Variants in ABRAXAS1 observed in about 807,000 individuals in gnomAD.
ABRAXAS1 encodes abraxas 1, BRCA1 A complex subunit, also known as BRCA1-A complex subunit Abraxas 1.
Under a neutral mutation model 38.4 loss-of-function variants are expected in ABRAXAS1, and 26 were observed. The observed-to-expected ratio is 0.68, with a 90% CI of 0.50 to 0.94. The LOEUF (loss-of-function observed/expected upper bound fraction) is 0.94, where lower values mean the gene tolerates loss of function less well. ABRAXAS1 is among the 40% of genes least tolerant of loss of function. The probability of loss-of-function intolerance (pLI) is 0.00; values close to 1 mark genes in which losing one functional copy is unlikely to be tolerated. For synonymous variants in ABRAXAS1, 144 were observed against 165.5 expected (o/e 0.87, Z 1.00); for missense variants, 438 against 481.9 (o/e 0.91, Z 0.85).
chr4:83,477,344 T>A (rs890809458), intron 2 of ABRAXAS1, among the ~76,000 whole-genome samples: 33 of 151,946 alleles, frequency 2.2e-4, no homozygotes, highest in African/African-American at 8.0e-4. Context: ...TTTTAATTTT[T>A]AAAAAATAAT....
At position 83,460,071 on chromosome 4, in the gene ABRAXAS1, A is replaced by G. The variant is rs569983267; in HGVS notation, c.*2398T>C. ...ATACTATAATCATTCCTAGATTGAT[A>G]CTTAAACTTGGTGTCAGCAAACTAT... On this transcript the variant is annotated 3_prime_UTR_variant, in exon 9 of 9. Transcript: ENST00000321945. The G allele has an allele frequency of 4.1e-6, 1 of 243,658 alleles. No homozygotes were observed. The highest frequency in any genetic ancestry group is 8.4e-5 in the East Asian group (1 of 11,868). 15.1% of individuals were successfully genotyped at this position (243,658 alleles called of 1,614,324 possible). A position where few individuals can be genotyped will look rare whatever the true frequency, so the allele number is the denominator to read the frequency against.
intron 5 of ABRAXAS1, chr4:83,469,425 T>C: frequency 3.3e-6 from 1 of 301,758 alleles, no homozygotes; most frequent in South Asian, 4.8e-5. Flanking sequence ...CAAGCAATCC[T>C]CTTGCCTCAG....
At chr4:83,484,675 T>C (rs1034063436) in intron 1 of ABRAXAS1, 3 of 278,326 alleles carry the variant, frequency 1.1e-5, no homozygotes, top group Non-Finnish European at 1.4e-5. Context: ...CTCCGTGAAC[T>C]TTCCATCTTT....
rs1060503251 is a variant in ABRAXAS1, at chr4:83,462,773, C to T, written c.926G>A (p.Ser309Asn). ...GAGATGGTGGTTGTAGTTACAGCTA[C>T]TTTTAGAAACATGTCTATTTTTTAA... Reference protein sequence around the residue: ...MSLKNRHVSKSSCNYNHHLDV... With the variant: ...MSLKNRHVSKNSCNYNHHLDV... The change falls in exon 9 of 9, where the codon AGT becomes AAT. Residue 309 changes from serine (S) to asparagine (N), a missense_variant. Coordinates refer to ENST00000321945, the MANE Select transcript of ABRAXAS1 (RefSeq NM_139076.3). 15 of 1,613,802 alleles carry T rather than the reference C, an allele frequency of 9.3e-6. No homozygotes were observed. Among genetic ancestry groups the T allele is most frequent in the Non-Finnish European group, 1.3e-5 (15 of 1,179,970 alleles).
intron 2 of ABRAXAS1, chr4:83,477,922 A>G: frequency 1.3e-6 from 1 of 792,174 alleles, no homozygotes; most frequent in Non-Finnish European, 2.2e-6. Context: ...TTTCCACTAT[A>G]GCCAATCCCA....
chr4:83,474,539 T>A (rs1245273157), intron 3 of ABRAXAS1, among the ~76,000 whole-genome samples: 3 of 151,712 alleles, frequency 2.0e-5, no homozygotes, highest in Non-Finnish European at 4.4e-5. Context: ...TGGTGAAACT[T>A]CATCTCTACT....
chr4:83,472,314 T>A, intron 3 of ABRAXAS1, 26 bp from the exon 4 acceptor site: 1 of 1,351,750 alleles, frequency 7.4e-7, no homozygotes, highest in Non-Finnish European at 1.0e-6. Context: ...TTAAAGGTAT[T>A]TCAAATACGC....
intron 5 of ABRAXAS1, 60 bp downstream of exon 5, chr4:83,470,143 C>G (rs1332518761): frequency 6.8e-6 from 9 of 1,323,482 alleles, no homozygotes; most frequent in Non-Finnish European, 8.3e-6. Context: ...GCAAAAAGTA[C>G]TAAGTATTAG....
chr4:83,468,584 C>T (rs377044396), intron 6 of ABRAXAS1, among the ~76,000 whole-genome samples: 20 of 152,250 alleles, frequency 1.3e-4, no homozygotes, highest in East Asian at 9.6e-4. Context: ...TCTAATTTCA[C>T]GCCTTTAATC....
chr4:83,459,926 T>G lies in ABRAXAS1; in HGVS notation c.*2543A>C. 1.5e-6 allele frequency: 1 copy of G among 681,618 alleles called. No individual in the cohort carries two copies. The highest frequency in any genetic ancestry group is 2.4e-6 in the Non-Finnish European group (1 of 417,388). The allele number at this position is 681,618 out of a possible 1,614,324, so 42.2% of individuals were successfully genotyped here. ...CTACTAGATCAGATACTACAGGGACTAGAGCTAGTTACTATGAAAAAGTCT... is the reference window on the plus strand; with the variant it reads ...CTACTAGATCAGATACTACAGGGACGAGAGCTAGTTACTATGAAAAAGTCT... On this transcript the variant is annotated 3_prime_UTR_variant, in exon 9 of 9. Coordinates refer to ENST00000321945, the MANE Select transcript of ABRAXAS1 (RefSeq NM_139076.3).
intron 3 of ABRAXAS1, among the ~76,000 whole-genome samples, chr4:83,476,208 A>G (rs140629364): frequency 0.011 from 1,642 of 152,278 alleles, 26 homozygotes; most frequent in African/African-American, 0.038. Context: ...TCTCAAAAAG[A>G]AAAAGAACAT....
chr4:83,460,832 G>A lies in ABRAXAS1; in HGVS notation c.*1637C>T. On this transcript the variant is annotated 3_prime_UTR_variant, in exon 9 of 9. Coordinates refer to ENST00000321945, the MANE Select transcript of ABRAXAS1 (RefSeq NM_139076.3). The stretch of plus-strand genomic sequence containing the variant: ...GAGGCAAGATAATCGATTGAGCCTG[G>A]GTGGCGGAGGTTGCAGTGAGGCGAG... 1 of 664,136 alleles carries A rather than the reference G, an allele frequency of 1.5e-6. No homozygotes were observed. Among genetic ancestry groups the A allele is most frequent in the Admixed American group, 2.9e-5 (1 of 34,124 alleles). The allele number at this position is 664,136 out of a possible 1,614,324, so 41.1% of individuals were successfully genotyped here.
intron 2 of ABRAXAS1, chr4:83,478,078 T>C: frequency 1.1e-6 from 1 of 910,644 alleles, no homozygotes; most frequent in Non-Finnish European, 1.8e-6. Flanking sequence ...CTGCCATCGT[T>C]GTGGGAGTAG....
At position 83,479,404 on chromosome 4, in the gene ABRAXAS1, A is replaced by C. The variant is rs913896455; in HGVS notation, c.179-2725T>G. 5 of 27,710 alleles carry C rather than the reference A, an allele frequency of 1.8e-4. No individual in the cohort carries two copies. The African/African-American group carries it at 2.1e-3, about 11-fold the overall frequency. The allele number at this position is 27,710 out of a possible 1,614,324, so 1.7% of individuals were successfully genotyped here. A position where few individuals can be genotyped will look rare whatever the true frequency, so the allele number is the denominator to read the frequency against. The stretch of plus-strand genomic sequence containing the variant: ...GGGTGACAGAGTGAGACTCTGTTTC[A>C]AAAAAAAAAAAAAAAAAAGAGTATG... On this transcript the variant is annotated intron_variant, in intron 2 of 8. Transcript: ENST00000321945.
chr4:83,484,972 G>T lies in ABRAXAS1; in HGVS notation c.87+14C>A, dbSNP rs1302059136. 2 of 1,566,928 alleles carry T rather than the reference G, an allele frequency of 1.3e-6. No homozygotes were observed. The highest frequency in any genetic ancestry group is 2.3e-5 in the South Asian group (2 of 86,536). ...CCCAGGCGACGCCGGACCCCGCCCC[G>T]TCCCTCGGCTCACCGTGTCCGAGTC... On this transcript the variant is annotated intron_variant, in intron 1 of 8. Transcript: ENST00000321945.
In ABRAXAS1 at chr4:83,461,207, C is replaced by T. The variant is rs370213837; in HGVS notation, c.*1262G>A. 36 of 1,607,784 alleles carry T rather than the reference C, an allele frequency of 2.2e-5. No individual in the cohort carries two copies. The highest frequency in any genetic ancestry group is 4.4e-4 in the Middle Eastern group (2 of 4,564). On this transcript the variant is annotated 3_prime_UTR_variant, in exon 9 of 9. Transcript: ENST00000321945. ...CAGATATCGGGAATAAATTCTATCA[C>T]GTTACCACTAATAAACTTATTTTAC...
chr4:83,470,006 C>T (rs1560574449), intron 5 of ABRAXAS1, 197 bp downstream of exon 5: 2 of 452,580 alleles, frequency 4.4e-6, no homozygotes, highest in Non-Finnish European at 3.9e-6. Context: ...CATCATTCCA[C>T]ACTGGGCTTC....
At position 83,463,484 on chromosome 4, in the gene ABRAXAS1, G is replaced by T. The variant is rs1242542025; in HGVS notation, c.796+10C>A. 6.4e-7 allele frequency: 1 copy of T among 1,550,892 alleles called. No homozygotes were observed. The highest frequency in any genetic ancestry group is 2.3e-5 in the East Asian group (1 of 44,306). On this transcript the variant is annotated intron_variant, in intron 8 of 8. Coordinates refer to ENST00000321945, the MANE Select transcript of ABRAXAS1 (RefSeq NM_139076.3). ...TTAGCACAGAAAGTAGAGATGTGTT[G>T]TTTACTTACTTGCTGCCTGAATCTG...
chr4:83,479,275 C>T (rs1239774616), intron 2 of ABRAXAS1: 1 of 151,864 alleles, frequency 6.6e-6, no homozygotes, highest in African/African-American at 2.4e-5. Flanking sequence ...TGGTGGCAGT[C>T]GCCGGTAATC....
Sources: gnomAD v4.1 joint callset for allele counts (sites outside exome capture counted in the v4.1 genomes callset) on GRCh38, gnomAD v4.1.1 for gene constraint, MANE v1.5 for transcripts, NCBI Gene and HGNC (gene_info 2026-07-23, HGNC 2026-07-21) for gene names.